DRC8: variants seen among roughly 807,000 people sequenced by gnomAD.
DRC8 encodes dynein regulatory complex subunit 8.
At chr1:245,034,395 G>A in the DRC8 span, among the ~76,000 whole-genome samples, 4 of 152,048 alleles carry the variant, frequency 2.6e-5, no homozygotes, top group Non-Finnish European at 5.9e-5. Context: ...GAGGTCAGGA[G>A]TTCAAGACCA....
the DRC8 span, among the ~76,000 whole-genome samples, chr1:245,025,815 T>C: frequency 6.6e-6 from 1 of 152,202 alleles, no homozygotes; most frequent in Non-Finnish European, 1.5e-5. Context: ...CTTGTGGTAG[T>C]GAATCAGATG....
the DRC8 span, among the ~76,000 whole-genome samples, chr1:245,106,139 T>C: frequency 1.3e-5 from 2 of 152,216 alleles, no homozygotes; most frequent in Admixed American, 6.5e-5. Context: ...ATTGCCTGTA[T>C]CCCTTATGAG....
chr1:245,079,298 C>T, the DRC8 span, among the ~76,000 whole-genome samples: 1 of 152,098 alleles, frequency 6.6e-6, no homozygotes. Context: ...TTTTCTTCTT[C>T]TTTTCTAACC....
At chr1:245,086,637 CAA>C in the DRC8 span, 6 of 476,332 alleles carry the variant, frequency 1.3e-5, no homozygotes, top group Non-Finnish European at 2.2e-5. Context: ...ATTTTTTAAA[CAA>C]ACACTTGCAT....
chr1:245,006,962 C>G, the DRC8 span, among the ~76,000 whole-genome samples: 134 of 102,330 alleles, frequency 1.3e-3, no homozygotes, highest in African/African-American at 3.5e-3. Flanking sequence ...ACAACAACAA[C>G]AACAACAAAA....
chr1:245,105,525 C>T, the DRC8 span, among the ~76,000 whole-genome samples: 4 of 148,136 alleles, frequency 2.7e-5, no homozygotes, highest in Non-Finnish European at 1.5e-5. Context: ...GGGCTCAGGG[C>T]TCAGGGAGTA....
chr1:244,980,901 G>T, the DRC8 span, among the ~76,000 whole-genome samples: 1 of 152,302 alleles, frequency 6.6e-6, no homozygotes, highest in African/African-American at 2.4e-5. Flanking sequence ...TGTTGACTGA[G>T]GCCGGGCGTG....
At chr1:245,111,991 G>A in the DRC8 span, among the ~76,000 whole-genome samples, 10 of 152,196 alleles carry the variant, frequency 6.6e-5, no homozygotes, top group African/African-American at 4.8e-5. Flanking sequence ...AAGTGTTTGC[G>A]CCACTGCACT....
At chr1:245,079,546 A>C in the DRC8 span, among the ~76,000 whole-genome samples, 4,359 of 152,268 alleles carry the variant, frequency 0.029, 206 homozygotes, top group African/African-American at 0.099. Context: ...GGCGTATATT[A>C]TGTGTCATTT....
the DRC8 span, among the ~76,000 whole-genome samples, chr1:245,028,455 A>G: frequency 1.3e-5 from 2 of 152,284 alleles, no homozygotes; most frequent in African/African-American, 2.4e-5. Flanking sequence ...TGGATGCCCA[A>G]TTTATTTTAT....
the DRC8 span, among the ~76,000 whole-genome samples, chr1:245,057,138 T>C: frequency 2.6e-5 from 4 of 152,288 alleles, no homozygotes; most frequent in South Asian, 6.2e-4. Flanking sequence ...TTGGCTGTGA[T>C]TGGCCGAAAC....
At chr1:245,029,865 G>C in the DRC8 span, among the ~76,000 whole-genome samples, 4 of 152,264 alleles carry the variant, frequency 2.6e-5, no homozygotes, top group African/African-American at 9.6e-5. Context: ...CAAAATGCTG[G>C]GATCACAAGC....
chr1:245,005,356 A>ATT, the DRC8 span, among the ~76,000 whole-genome samples: 1 of 143,740 alleles, frequency 7.0e-6, no homozygotes, highest in African/African-American at 2.5e-5. Flanking sequence ...ATTGGTATTA[A>ATT]TTTTTTTTTT....
the DRC8 span, among the ~76,000 whole-genome samples, chr1:244,996,602 G>A: frequency 2.0e-5 from 3 of 152,142 alleles, no homozygotes; most frequent in Non-Finnish European, 4.4e-5. Flanking sequence ...ATCCAGAAAG[G>A]AACTGCTACC....
At chr1:244,976,904 G>C in the DRC8 span, among the ~76,000 whole-genome samples, 1 of 152,238 alleles carries the variant, frequency 6.6e-6, no homozygotes. Flanking sequence ...TCCATCAGCG[G>C]ATGAATGAAC....
the DRC8 span, among the ~76,000 whole-genome samples, chr1:245,071,476 G>T: frequency 6.6e-6 from 1 of 152,226 alleles, no homozygotes; most frequent in Non-Finnish European, 1.5e-5. Flanking sequence ...AACATGGCAA[G>T]GAACTTGTCT....
chr1:245,096,110 T>G, the DRC8 span, among the ~76,000 whole-genome samples: 1 of 152,200 alleles, frequency 6.6e-6, no homozygotes. Flanking sequence ...TTTTTTCAGA[T>G]AGAAACAACA....
chr1:245,087,706 A>G, the DRC8 span: 1 of 1,018,430 alleles, frequency 9.8e-7, no homozygotes, highest in South Asian at 4.0e-5. Context: ...GCATGTAAAG[A>G]TCTTAAGAGG....
chr1:245,084,649 A>G, the DRC8 span, among the ~76,000 whole-genome samples: 54 of 152,264 alleles, frequency 3.5e-4, 1 homozygote, highest in South Asian at 8.3e-4. Flanking sequence ...AACCATCCTC[A>G]TATTGGTCCC....
Sources: allele counts gnomAD v4.1 joint callset (sites outside exome capture counted in the v4.1 genomes callset), GRCh38; gene constraint gnomAD v4.1.1; transcripts MANE v1.5; gene names NCBI Gene and HGNC (gene_info 2026-07-23, HGNC 2026-07-21).